Variants in EYS observed in about 807,000 individuals in gnomAD.
EYS encodes EGF-like photoreceptor maintenance factor.
In EYS, 250 loss-of-function variants were observed where a neutral mutation model predicts 282.1. The ratio of observed to expected loss-of-function variants is 0.89; its 90% confidence interval spans 0.80 to 0.98. The LOEUF (loss-of-function observed/expected upper bound fraction) is 0.98, where lower values mean the gene tolerates loss of function less well. Ranked by LOEUF, EYS falls within the 50% of genes least tolerant of loss-of-function variation. The probability of loss-of-function intolerance (pLI) is 0.00; values close to 1 mark genes in which losing one functional copy is unlikely to be tolerated. For synonymous variants in EYS, 1,355 were observed against 1,282.9 expected (o/e 1.06, Z -1.20); for missense variants, 4,016 against 3,709.0 (o/e 1.08, Z -2.15).
intron 36 of EYS, among the ~76,000 whole-genome samples, chr6:63,863,675 C>CTT (rs1284326554): frequency 2.3e-4 from 14 of 60,052 alleles, no homozygotes; most frequent in African/African-American, 6.8e-4. Context: ...TTTCTTTTTT[C>CTT]TTTTTTTTTT....
intron 5 of EYS, among the ~76,000 whole-genome samples, chr6:65,449,059 C>T (rs1457941102): frequency 6.6e-6 from 1 of 152,098 alleles, no homozygotes; most frequent in Non-Finnish European, 1.5e-5. Flanking sequence ...TTTGCTTCCA[C>T]TTTATTCACT....
chr6:64,966,706 TTCTTCTATC>T (rs1770106830), intron 14 of EYS, among the ~76,000 whole-genome samples: 1 of 152,220 alleles, frequency 6.6e-6, no homozygotes, highest in South Asian at 2.1e-4. Flanking sequence ...CATAGCCTTT[TTCTTCTATC>T]TTCAAATCTC....
rs373244415 is a variant in EYS, at chr6:64,499,451, T to C, written c.5645-60099A>G. On this transcript the variant is annotated intron_variant, in intron 26 of 42. Transcript: ENST00000503581. ...TGTCTGGGCCTGATTTTGTTTTCAT[T>C]TGTTTTAAATCTAGACTTTTGGAGT... Among the ~76,000 whole-genome samples the C allele has an allele frequency of 7.2e-5, 11 of 152,308 alleles. No homozygotes were observed. The East Asian group carries it at 1.9e-3, about 27-fold the overall frequency.
intron 35 of EYS, among the ~76,000 whole-genome samples, chr6:63,909,470 G>T (rs1385645519): frequency 2.6e-5 from 4 of 152,160 alleles, no homozygotes; most frequent in African/African-American, 9.7e-5. Flanking sequence ...AACTGAATAC[G>T]CTGGTACCCC....
At chr6:64,754,374 G>A (rs1157926693) in intron 22 of EYS, among the ~76,000 whole-genome samples, 1 of 107,692 alleles carries the variant, frequency 9.3e-6, no homozygotes, top group Non-Finnish European at 1.9e-5. Flanking sequence ...GAAAACCCAG[G>A]ACCAGTCAGA....
chr6:64,520,633 T>C (rs948249850), intron 26 of EYS, among the ~76,000 whole-genome samples: 2 of 151,766 alleles, frequency 1.3e-5, no homozygotes, highest in African/African-American at 4.8e-5. Flanking sequence ...AAAAAAATTC[T>C]GTTTCATTCT....
At chr6:63,785,605 A>G (rs1282520935) in intron 39 of EYS, among the ~76,000 whole-genome samples, 3 of 149,270 alleles carry the variant, frequency 2.0e-5, no homozygotes, top group Non-Finnish European at 4.6e-5. Flanking sequence ...CATAGAAAAA[A>G]TAATGGTTCA....
chr6:65,330,880 T>C lies in EYS; in HGVS notation c.1766+4100A>G, dbSNP rs7741569. The C allele has an allele frequency of 2.1e-3, 1,999 of 960,856 alleles. 26 individuals are homozygous for C. The African/African-American group carries it at 0.033, about 16-fold the overall frequency. 59.5% of individuals were successfully genotyped at this position (960,856 alleles called of 1,614,324 possible). A position where few individuals can be genotyped will look rare whatever the true frequency, so the allele number is the denominator to read the frequency against. On this transcript the variant is annotated intron_variant, in intron 11 of 42. Transcript: ENST00000503581. ...GTATAAGGTTGTAATCCAGTTTCAT[T>C]TAAGGTCTTATTATGAGCCATTTCC...
At chr6:64,794,011 G>A (rs1774270985) in intron 22 of EYS, among the ~76,000 whole-genome samples, 1 of 151,902 alleles carries the variant, frequency 6.6e-6, no homozygotes, top group Non-Finnish European at 1.5e-5. Context: ...CCTTGCCCCA[G>A]GCCCTGGTTA....
chr6:65,017,092 C>T (rs1229164770), intron 13 of EYS, among the ~76,000 whole-genome samples: 1 of 152,090 alleles, frequency 6.6e-6, no homozygotes, highest in African/African-American at 2.4e-5. Context: ...CCATTCCCTC[C>T]CAGCTTCCTA....
chr6:63,905,226 G>C (rs568970476), intron 35 of EYS, among the ~76,000 whole-genome samples: 6 of 149,942 alleles, frequency 4.0e-5, no homozygotes, highest in Non-Finnish European at 7.4e-5. Context: ...CCATGTCGTA[G>C]CATGTATCAG....
intron 22 of EYS, among the ~76,000 whole-genome samples, chr6:64,749,557 T>G (rs570922030): frequency 2.6e-5 from 4 of 152,204 alleles, no homozygotes; most frequent in Non-Finnish European, 5.9e-5. Context: ...TAAAACCATA[T>G]GAACTTCTTC....
chr6:65,312,934 G>A lies in EYS; in HGVS notation c.1767-16815C>T, dbSNP rs1769199318. Among the ~76,000 whole-genome samples, 4 of 152,062 alleles carry A rather than the reference G, an allele frequency of 2.6e-5. No individual in the cohort carries two copies. The South Asian group carries it at 8.3e-4, about 31-fold the overall frequency. The stretch of plus-strand genomic sequence containing the variant: ...GACCTGGGATCTTCAGATTATCACT[G>A]CGTTGTCACTTCCCCTAATTTAACA... On this transcript the variant is annotated intron_variant, in intron 11 of 42. Coordinates refer to ENST00000503581, the MANE Select transcript of EYS (RefSeq NM_001142800.2).
At chr6:64,142,953 T>C (rs185623539) in intron 31 of EYS, among the ~76,000 whole-genome samples, 1 of 152,158 alleles carries the variant, frequency 6.6e-6, no homozygotes, top group African/African-American at 2.4e-5. Flanking sequence ...GTAAATTGTT[T>C]AAAAAAATGT....
intron 26 of EYS, among the ~76,000 whole-genome samples, chr6:64,482,835 A>AT (rs1171108225): frequency 2.0e-5 from 3 of 151,624 alleles, no homozygotes; most frequent in Non-Finnish European, 1.5e-5. Flanking sequence ...GACTAAGTAT[A>AT]TTTTTTCTAT....
At chr6:65,480,036 G>A (rs1175019096) in intron 5 of EYS, among the ~76,000 whole-genome samples, 2 of 150,964 alleles carry the variant, frequency 1.3e-5, no homozygotes, top group African/African-American at 2.4e-5. Context: ...ATGGTGGCAC[G>A]TGCCTGTAGT....
intron 22 of EYS, among the ~76,000 whole-genome samples, chr6:64,721,991 T>C (rs996455343): frequency 2.0e-5 from 3 of 152,266 alleles, no homozygotes; most frequent in Admixed American, 1.3e-4. Context: ...GTAATGTATG[T>C]TGCACAAATA....
At chr6:65,567,822 T>C (rs1764329767) in intron 2 of EYS, among the ~76,000 whole-genome samples, 1 of 152,118 alleles carries the variant, frequency 6.6e-6, no homozygotes, top group African/African-American at 2.4e-5. Flanking sequence ...ATTGCTCCCT[T>C]AAGTGGGCCT....
intron 19 of EYS, among the ~76,000 whole-genome samples, chr6:64,826,090 A>G (rs1352568730): frequency 6.6e-6 from 1 of 151,804 alleles, no homozygotes; most frequent in Non-Finnish European, 1.5e-5. Context: ...CTTATATACC[A>G]GGTATTTCCT....
Sources: gnomAD v4.1 joint callset for allele counts (sites outside exome capture counted in the v4.1 genomes callset) on GRCh38, gnomAD v4.1.1 for gene constraint, MANE v1.5 for transcripts, NCBI Gene and HGNC (gene_info 2026-07-23, HGNC 2026-07-21) for gene names.